The following LPP variants were observed in gnomAD, a reference collection of about 807,000 sequenced individuals.
LPP encodes the protein lipoma-preferred partner.
A neutral mutation model predicts 60.4 loss-of-function variants in LPP; 38 were observed. That is an observed-to-expected ratio of 0.63 (90% confidence interval 0.49 to 0.83). The LOEUF is 0.83. LPP is among the 40% of genes least tolerant of loss of function. LPP has a pLI of 0.00. For synonymous variants in LPP, 328 were observed against 290.8 expected (o/e 1.13, Z -1.30); for missense variants, 902 against 783.6 (o/e 1.15, Z -1.80).
intron 9 of LPP, among the ~76,000 whole-genome samples, chr3:188,821,967 A>G (rs1266540605): frequency 2.6e-5 from 4 of 152,140 alleles, no homozygotes; most frequent in Non-Finnish European, 4.4e-5. Flanking sequence ...AATTTTGTCC[A>G]TAAGAATGAA....
intron 6 of LPP, among the ~76,000 whole-genome samples, chr3:188,544,686 G>T (rs956005161): frequency 3.0e-5 from 3 of 99,722 alleles, no homozygotes; most frequent in Non-Finnish European, 4.0e-5. Flanking sequence ...CATTGTGGAA[G>T]TCAGTGTGGC....
At chr3:188,675,435 T>C (rs1479008603) in intron 7 of LPP, among the ~76,000 whole-genome samples, 1 of 152,150 alleles carries the variant, frequency 6.6e-6, no homozygotes, top group Non-Finnish European at 1.5e-5. Context: ...TAAAGAATGG[T>C]GGGGCTAAGA....
chr3:188,770,332 C>A (rs1475678154), intron 9 of LPP, among the ~76,000 whole-genome samples: 1 of 139,870 alleles, frequency 7.1e-6, no homozygotes, highest in Non-Finnish European at 1.5e-5. Context: ...GCACCCGCCA[C>A]CACGCCCAGC....
intron 2 of LPP, among the ~76,000 whole-genome samples, chr3:188,236,144 T>C (rs1721842846): frequency 6.6e-6 from 1 of 152,200 alleles, no homozygotes; most frequent in African/African-American, 2.4e-5. Context: ...ATCTATTAGG[T>C]TGGTGCAAAA....
chr3:188,867,528 GA>G (rs1766983930), intron 10 of LPP, among the ~76,000 whole-genome samples: 1 of 151,958 alleles, frequency 6.6e-6, no homozygotes, highest in African/African-American at 2.4e-5. Flanking sequence ...ATTTTTAGTA[GA>G]GATGGGGTTT....
intron 7 of LPP, among the ~76,000 whole-genome samples, chr3:188,642,178 A>C (rs1850276558): frequency 1.3e-5 from 2 of 152,110 alleles, no homozygotes; most frequent in Admixed American, 1.3e-4. Flanking sequence ...ATTTCAGAAA[A>C]CCAGTAGTCA....
At chr3:188,854,585 T>G (rs1032458848) in intron 9 of LPP, among the ~76,000 whole-genome samples, 5 of 152,224 alleles carry the variant, frequency 3.3e-5, no homozygotes, top group African/African-American at 1.2e-4. Flanking sequence ...GATTGCCAAA[T>G]CTGTTCAACT....
At chr3:188,557,620 CCTCT>C (rs751117484) in intron 6 of LPP, among the ~76,000 whole-genome samples, 3 of 151,800 alleles carry the variant, frequency 2.0e-5, no homozygotes, top group African/African-American at 7.3e-5. Flanking sequence ...TCTCACCTAG[CCTCT>C]CTCTCTCTGT....
intron 7 of LPP, among the ~76,000 whole-genome samples, chr3:188,665,001 G>A (rs542773958): frequency 5.3e-5 from 8 of 152,190 alleles, no homozygotes; most frequent in Admixed American, 1.3e-4. Context: ...AGTGTAGTAC[G>A]CCCTCTAGAG....
intron 1 of LPP, among the ~76,000 whole-genome samples, chr3:188,166,357 G>A (rs561477634): frequency 1.3e-5 from 2 of 152,268 alleles, no homozygotes; most frequent in Admixed American, 6.5e-5. Context: ...TCAGAGTAGT[G>A]ATGGAACAAC....
chr3:188,667,681 TTTTG>T (rs1469562564), intron 7 of LPP, among the ~76,000 whole-genome samples: 1 of 149,414 alleles, frequency 6.7e-6, no homozygotes, highest in East Asian at 2.0e-4. Flanking sequence ...TGCTAATCTT[TTTTG>T]TTTTTGTTTT....
chr3:188,624,965 G>T (rs1846556600), intron 7 of LPP, among the ~76,000 whole-genome samples: 1 of 149,674 alleles, frequency 6.7e-6, no homozygotes, highest in Admixed American at 6.7e-5. Context: ...TTAACCACAT[G>T]ATTTCTATTT....
At chr3:188,874,182 T>C (rs1434968142) in intron 11 of LPP, among the ~76,000 whole-genome samples, 169 bp from the exon 12 acceptor site, 4 of 152,182 alleles carry the variant, frequency 2.6e-5, no homozygotes, top group Non-Finnish European at 5.9e-5. Context: ...AGATATACTA[T>C]GTTATATATT....
At chr3:188,664,696 A>G (rs187823754) in intron 7 of LPP, among the ~76,000 whole-genome samples, 83 of 152,272 alleles carry the variant, frequency 5.5e-4, no homozygotes, top group Non-Finnish European at 1.1e-3. Context: ...ATGTGAAACA[A>G]AAAATATTTA....
At chr3:188,588,682 G>A (rs767292095) in intron 6 of LPP, among the ~76,000 whole-genome samples, 1 of 152,174 alleles carries the variant, frequency 6.6e-6, no homozygotes, top group African/African-American at 2.4e-5. Flanking sequence ...TAGATTGTAT[G>A]TACTAGCTGT....
chr3:188,498,277 G>T (rs1810832001), intron 5 of LPP, among the ~76,000 whole-genome samples: 1 of 152,014 alleles, frequency 6.6e-6, no homozygotes, highest in Non-Finnish European at 1.5e-5. Flanking sequence ...TGTTGCAACT[G>T]TCACCAGTAT....
chr3:188,788,938 A>T (rs1467807965), intron 9 of LPP, among the ~76,000 whole-genome samples: 2 of 152,080 alleles, frequency 1.3e-5, no homozygotes, highest in African/African-American at 4.8e-5. Flanking sequence ...GTGTTGCATC[A>T]TCAGTCTTTG....
intron 5 of LPP, among the ~76,000 whole-genome samples, chr3:188,494,698 A>G (rs929284059): frequency 2.0e-5 from 3 of 152,016 alleles, no homozygotes; most frequent in African/African-American, 2.4e-5. Context: ...AGAAAGCTTC[A>G]GAGACAGCAT....
Position 188,255,653 on chromosome 3 carries a change from G to A in LPP, c.-67+30126G>A, listed in dbSNP as rs527420285. 8.5e-5 allele frequency among the ~76,000 whole-genome samples: 13 copies of A among 152,244 alleles called. No homozygotes were observed. The South Asian group carries it at 2.5e-3, about 29-fold the overall frequency. On this transcript the variant is annotated intron_variant, in intron 2 of 11. Coordinates refer to ENST00000617246, the MANE Select transcript of LPP (RefSeq NM_001375462.1). ...TTAATTCATAGCTGGCTTTTGATACGTATGTAATGAAAATTCTGGTTTTCT... is the reference window on the plus strand; with the variant it reads ...TTAATTCATAGCTGGCTTTTGATACATATGTAATGAAAATTCTGGTTTTCT...
Sources: allele counts gnomAD v4.1 joint callset (sites outside exome capture counted in the v4.1 genomes callset), GRCh38; gene constraint gnomAD v4.1.1; transcripts MANE v1.5; gene names NCBI Gene and HGNC (gene_info 2026-07-23, HGNC 2026-07-21).